Variants in CECR2 observed in about 807,000 individuals in gnomAD.
CECR2 encodes the protein chromatin remodeling regulator CECR2.
A neutral mutation model predicts 154.5 loss-of-function variants in CECR2; 30 were observed. The observed-to-expected ratio is 0.19, with a 90% confidence interval of 0.15 to 0.26. The LOEUF is 0.26. Ranked by LOEUF, CECR2 falls within the 10% of genes least tolerant of loss-of-function variation. CECR2 has a pLI of 1.00. For missense variants in CECR2, 1,743 were observed against 1,829.3 expected (o/e 0.95, Z 0.86); for synonymous variants, 725 against 683.7 (o/e 1.06, Z -0.94).
chr22:17,435,691 A>AC (rs1217118236), intron 1 of CECR2, among the ~76,000 whole-genome samples: 1 of 147,172 alleles, frequency 6.8e-6, no homozygotes, highest in Non-Finnish European at 1.5e-5. Context: ...TCTTAAAAAA[A>AC]AAAAAAAAAA....
chr22:17,465,428 C>G (rs1347269170), intron 1 of CECR2, among the ~76,000 whole-genome samples: 1 of 152,162 alleles, frequency 6.6e-6, no homozygotes, highest in Non-Finnish European at 1.5e-5. Flanking sequence ...CTCCTGAGTT[C>G]AAGTGATTCT....
At chr22:17,364,908 G>A (rs2062993842), upstream of CECR2, among the ~76,000 whole-genome samples, 1 of 152,050 alleles carries the variant, frequency 6.6e-6, no homozygotes, top group Non-Finnish European at 1.5e-5. Context: ...ATTCCAAAGA[G>A]AGAAAACTGG....
chr22:17,405,400 G>A (rs1476802924), intron 1 of CECR2, among the ~76,000 whole-genome samples: 3 of 150,054 alleles, frequency 2.0e-5, no homozygotes, highest in East Asian at 3.9e-4. Flanking sequence ...CAACGAGAGC[G>A]AAACTCCGTC....
intron 1 of CECR2, among the ~76,000 whole-genome samples, chr22:17,428,070 A>G (rs2054358700): frequency 6.6e-6 from 1 of 152,184 alleles, no homozygotes; most frequent in Non-Finnish European, 1.5e-5. Context: ...CATTTCTCTG[A>G]TGACCAGTGA....
rs529145530 is a variant in CECR2 at position 17,484,013 on chromosome 22, A to C, written c.221+6331A>C. On this transcript the variant is annotated intron_variant, in intron 2 of 18. Coordinates refer to ENST00000262608, the MANE Select transcript of CECR2 (RefSeq NM_001290047.2). ...TACAGTGGCTTACAGTATTCAGTAC[A>C]GTCAGGTGCAGTATAGGTTTGTAGC... Among the ~76,000 whole-genome samples, 6 of 152,348 alleles carry C rather than the reference A, an allele frequency of 3.9e-5. No homozygotes were observed. In the South Asian group the frequency reaches 1.2e-3, roughly 32 times the overall value.
intron 1 of CECR2, among the ~76,000 whole-genome samples, chr22:17,374,935 T>A (rs1258319450): frequency 6.6e-6 from 1 of 152,046 alleles, no homozygotes; most frequent in African/African-American, 2.4e-5. Context: ...ATCGCACTGC[T>A]TCTGCAGGTC....
chr22:17,537,248 CA>C lies in CECR2; in HGVS notation c.1238+18del. On this transcript the variant is annotated intron_variant, in intron 10 of 18. Coordinates refer to ENST00000262608, the MANE Select transcript of CECR2 (RefSeq NM_001290047.2). ...CTAAAGACCTGTGAGTATTTAGTAA[CA>C]ACAACAACAGCAGTAGCAACTGGTA... is the stretch of plus-strand genomic sequence containing the variant. 1 of 1,611,866 alleles carries C rather than the reference CA, an allele frequency of 6.2e-7. No individual in the cohort carries two copies. Among genetic ancestry groups the C allele is most frequent in the Non-Finnish European group, 8.5e-7 (1 of 1,178,724 alleles).
chr22:17,490,719 G>A (rs2055513576), intron 2 of CECR2, among the ~76,000 whole-genome samples: 1 of 152,046 alleles, frequency 6.6e-6, no homozygotes, highest in African/African-American at 2.4e-5. Flanking sequence ...AAAGTGCTAG[G>A]ATTACAGGCA....
At chr22:17,540,858 G>C (rs2056512997) in intron 14 of CECR2, 58 bp downstream of exon 14, 10 of 1,474,068 alleles carry the variant, frequency 6.8e-6, no homozygotes, top group Non-Finnish European at 9.0e-6. Flanking sequence ...TCATAGTAAT[G>C]TAGAGGCCAT....
intron 7 of CECR2, among the ~76,000 whole-genome samples, chr22:17,507,398 ATAATC>A (rs916472897): frequency 4.6e-5 from 7 of 152,236 alleles, no homozygotes; most frequent in Non-Finnish European, 8.8e-5. Context: ...ATTAAAATAT[ATAATC>A]TAATTTTCTT....
intron 1 of CECR2, among the ~76,000 whole-genome samples, chr22:17,417,921 C>T (rs546613428): frequency 1.7e-4 from 26 of 152,004 alleles, no homozygotes; most frequent in African/African-American, 6.0e-4. Context: ...GTGCCCGGCC[C>T]TCAATTTTAA....
chr22:17,527,499 G>T (rs2056284639), intron 9 of CECR2, among the ~76,000 whole-genome samples: 1 of 151,264 alleles, frequency 6.6e-6, no homozygotes, highest in Admixed American at 6.6e-5. Context: ...AGGTGTGGTG[G>T]CTCATGCTTG....
intron 2 of CECR2, among the ~76,000 whole-genome samples, chr22:17,489,008 AT>A (rs1341366088): frequency 2.0e-5 from 3 of 151,800 alleles, no homozygotes; most frequent in Non-Finnish European, 1.5e-5. Flanking sequence ...CTGGAGTGCA[AT>A]GGTGCTATCT....
At chr22:17,377,762 C>T (rs1443271573) in intron 1 of CECR2, among the ~76,000 whole-genome samples, 1 of 152,090 alleles carries the variant, frequency 6.6e-6, no homozygotes, top group Admixed American at 6.5e-5. Flanking sequence ...TTTATATTAG[C>T]CTCTAACAAA....
chr22:17,529,183 G>A (rs2056312827), intron 9 of CECR2, among the ~76,000 whole-genome samples: 1 of 152,206 alleles, frequency 6.6e-6, no homozygotes, highest in African/African-American at 2.4e-5. Flanking sequence ...GGAAGGCGCA[G>A]TGCAGACAAG....
intron 17 of CECR2, among the ~76,000 whole-genome samples, chr22:17,550,760 G>A (rs949022769): frequency 5.9e-5 from 9 of 152,280 alleles, no homozygotes; most frequent in African/African-American, 2.2e-4. Context: ...GGCTAACACG[G>A]TGAAACCCCG....
intron 1 of CECR2, among the ~76,000 whole-genome samples, chr22:17,383,666 T>TTC (rs1555900688): frequency 6.9e-6 from 1 of 145,984 alleles, no homozygotes; most frequent in African/African-American, 2.6e-5. Flanking sequence ...ACTTTTTTTT[T>TTC]TTTTTTTTTT....
intron 8 of CECR2, among the ~76,000 whole-genome samples, chr22:17,514,107 G>C (rs2056008735): frequency 6.6e-6 from 1 of 152,194 alleles, no homozygotes; most frequent in Admixed American, 6.5e-5. Flanking sequence ...TGGTCACTCA[G>C]CAGTCCAAAC....
rs1039062207 is a variant in CECR2 at position 17,406,463 on chromosome 22, C to T, written c.126+36554C>T. Among the ~76,000 whole-genome samples, 16 of 152,188 alleles carry T rather than the reference C, an allele frequency of 1.1e-4. No homozygotes were observed. The East Asian group carries it at 2.9e-3, about 27-fold the overall frequency. ...ACTTGAACCCAGGAGGCGGAGGTTG[C>T]AGTGAGTCGAGATTATACCACTGCA... On this transcript the variant is annotated intron_variant, in intron 1 of 18. Coordinates refer to ENST00000262608, the MANE Select transcript of CECR2 (RefSeq NM_001290047.2).
Sources: allele counts gnomAD v4.1 joint callset (sites outside exome capture counted in the v4.1 genomes callset), GRCh38; gene constraint gnomAD v4.1.1; transcripts MANE v1.5; gene names NCBI Gene and HGNC (gene_info 2026-07-23, HGNC 2026-07-21).